The following GABRA2 variants were observed in gnomAD, a reference collection of about 807,000 sequenced individuals.
GABRA2 encodes the protein gamma-aminobutyric acid receptor subunit alpha-2.
In GABRA2, 16 loss-of-function variants were observed where a neutral mutation model predicts 48.7. The ratio of observed to expected loss-of-function variants is 0.33; its 90% CI spans 0.22 to 0.50. The LOEUF is 0.50. GABRA2 is among the 20% of genes least tolerant of loss of function. The probability of loss-of-function intolerance (pLI) is 0.98; values close to 1 mark genes in which losing one functional copy is unlikely to be tolerated. For missense variants in GABRA2, 275 were observed against 535.6 expected (o/e 0.51, Z 4.80); for synonymous variants, 185 against 184.5 (o/e 1.00, Z -0.02).
At chr4:46,388,210 C>G (rs911419766) in intron 2 of GABRA2, among the ~76,000 whole-genome samples, 2 of 151,524 alleles carry the variant, frequency 1.3e-5, no homozygotes, top group African/African-American at 4.9e-5. Context: ...ACTAAAGGAG[C>G]CATACCATTA....
At chr4:46,379,683 G>A (rs554036080) in intron 3 of GABRA2, among the ~76,000 whole-genome samples, 6 of 152,162 alleles carry the variant, frequency 3.9e-5, no homozygotes, top group African/African-American at 1.4e-4. Flanking sequence ...CTGAAAGGCA[G>A]AGAGACTAGA....
intron 3 of GABRA2, among the ~76,000 whole-genome samples, chr4:46,380,308 T>G (rs1578233985): frequency 6.6e-6 from 1 of 152,360 alleles, no homozygotes; most frequent in South Asian, 2.1e-4. Flanking sequence ...TGTACAAAGA[T>G]GTGCCCACAC....
In GABRA2 at chr4:46,360,262, C is replaced by T. The variant is rs563325048; in HGVS notation, c.187+25812G>A. 1.8e-4 allele frequency among the ~76,000 whole-genome samples: 28 copies of T among 152,200 alleles called. No individual in the cohort carries two copies. The East Asian group carries it at 4.8e-3, about 26-fold the overall frequency. ...TGATATAGTTTGGCTGTTTCCTCAC[C>T]GAAATCTCATCTTGAATTGTAACTC... On this transcript the variant is annotated intron_variant, in intron 3 of 9. Transcript: ENST00000381620.
chr4:46,312,422 C>G (rs1727801114), intron 5 of GABRA2, 74 bp downstream of exon 5: 17 of 934,286 alleles, frequency 1.8e-5, no homozygotes, highest in Non-Finnish European at 2.7e-5. Context: ...TACTTGACAG[C>G]TAGATTGGCT....
chr4:46,316,219 T>C (rs765722103), intron 4 of GABRA2, among the ~76,000 whole-genome samples: 4 of 152,058 alleles, frequency 2.6e-5, no homozygotes, highest in Non-Finnish European at 5.9e-5. Flanking sequence ...GCTACAAATA[T>C]TCTTGTTCAA....
chr4:46,257,002 A>C (rs1250415332), intron 9 of GABRA2, among the ~76,000 whole-genome samples: 1 of 151,636 alleles, frequency 6.6e-6, no homozygotes, highest in Non-Finnish European at 1.5e-5. Flanking sequence ...AATCTCAAGG[A>C]ATTAAAGTAA....
At chr4:46,338,450 G>A (rs1475179690) in intron 3 of GABRA2, among the ~76,000 whole-genome samples, 3 of 151,766 alleles carry the variant, frequency 2.0e-5, no homozygotes, top group African/African-American at 7.3e-5. Context: ...TTAGGTTATT[G>A]CATTAGCCAA....
At chr4:46,303,880 T>C (rs1217356328) in intron 7 of GABRA2, among the ~76,000 whole-genome samples, 1 of 152,066 alleles carries the variant, frequency 6.6e-6, no homozygotes, top group Non-Finnish European at 1.5e-5. Context: ...GAACTAGAAG[T>C]GTTTCAGGGT....
chr4:46,374,878 T>A (rs1715454425), intron 3 of GABRA2, among the ~76,000 whole-genome samples: 2 of 151,934 alleles, frequency 1.3e-5, no homozygotes, highest in African/African-American at 4.8e-5. Flanking sequence ...ACATTTTGCA[T>A]TCACCCCCCT....
At chr4:46,252,781 A>C (rs961660726) in intron 9 of GABRA2, among the ~76,000 whole-genome samples, 1 of 151,530 alleles carries the variant, frequency 6.6e-6, no homozygotes, top group Non-Finnish European at 1.5e-5. Flanking sequence ...CATCATTTAA[A>C]ATGATATCAG....
In GABRA2 at chr4:46,246,674, A is replaced by G. The variant is rs1468448715; in HGVS notation, c.*3634T>C. Among the ~76,000 whole-genome samples the G allele has an allele frequency of 6.6e-6, 1 of 151,298 alleles. No homozygotes were observed. Among genetic ancestry groups the G allele is most frequent in the Non-Finnish European group, 1.5e-5 (1 of 67,458 alleles). On this transcript the variant is annotated 3_prime_UTR_variant, in exon 10 of 10. Transcript: ENST00000381620. ...CTTCAAAAACATGCAGATGAATGTC[A>G]GTGTGCCAGGAGACTAATAACAATA... is the stretch of plus-strand genomic sequence containing the variant.
chr4:46,265,422 T>TTG (rs1717949525), intron 8 of GABRA2, among the ~76,000 whole-genome samples: 1 of 119,492 alleles, frequency 8.4e-6, no homozygotes, highest in African/African-American at 5.1e-5. Context: ...ATATAATATA[T>TTG]TGTGTATATA....
At chr4:46,260,032 T>G (rs964387705) in intron 9 of GABRA2, among the ~76,000 whole-genome samples, 1 of 148,484 alleles carries the variant, frequency 6.7e-6, no homozygotes, top group Non-Finnish European at 1.5e-5. Flanking sequence ...TCATTATAAG[T>G]TTTTTTTTTA....
intron 9 of GABRA2, among the ~76,000 whole-genome samples, chr4:46,252,978 T>C (rs1157109613): frequency 1.3e-5 from 2 of 151,446 alleles, no homozygotes; most frequent in African/African-American, 4.8e-5. Flanking sequence ...AAATCATAAC[T>C]ATTACAAGCC....
chr4:46,350,036 A>G (rs2109901706), intron 3 of GABRA2, among the ~76,000 whole-genome samples: 1 of 151,978 alleles, frequency 6.6e-6, no homozygotes, highest in Admixed American at 6.6e-5. Context: ...AACTAGATTA[A>G]ATTTATATAT....
At chr4:46,329,353 C>A (rs1730946422) in intron 4 of GABRA2, among the ~76,000 whole-genome samples, 1 of 152,092 alleles carries the variant, frequency 6.6e-6, no homozygotes, top group South Asian at 2.1e-4. Context: ...CTTTCTTGGT[C>A]TCTCTGGGTC....
chr4:46,300,769 T>A (rs2109607612), intron 8 of GABRA2, among the ~76,000 whole-genome samples: 1 of 152,208 alleles, frequency 6.6e-6, no homozygotes, highest in South Asian at 2.1e-4. Context: ...TTTTCTATAA[T>A]TGTTATATAT....
At chr4:46,268,240 A>T (rs1718640078) in intron 8 of GABRA2, among the ~76,000 whole-genome samples, 1 of 151,978 alleles carries the variant, frequency 6.6e-6, no homozygotes, top group Admixed American at 6.6e-5. Flanking sequence ...TATTTAAAAA[A>T]TTAACAGAGT....
At chr4:46,368,904 C>T in intron 3 of GABRA2, 1 of 654,952 alleles carries the variant, frequency 1.5e-6, no homozygotes, top group Admixed American at 2.2e-5. Flanking sequence ...ATGCTCCACT[C>T]ATTCCTTTAT....
Sources: gnomAD v4.1 joint callset for allele counts (sites outside exome capture counted in the v4.1 genomes callset) on GRCh38, gnomAD v4.1.1 for gene constraint, MANE v1.5 for transcripts, NCBI Gene and HGNC (gene_info 2026-07-23, HGNC 2026-07-21) for gene names.